FKBP5: variants seen among roughly 807,000 people sequenced by gnomAD.
FKBP5 encodes the protein FKBP prolyl isomerase 5.
In FKBP5, 23 loss-of-function variants were observed where a neutral mutation model predicts 50.5. That is an observed-to-expected ratio of 0.46 (90% CI 0.33 to 0.65). The LOEUF (loss-of-function observed/expected upper bound fraction) is 0.65, where lower values mean the gene tolerates loss of function less well. Among genes scored for constraint, FKBP5 ranks in the 30% least tolerant of loss-of-function variants. The pLI, the probability that FKBP5 is intolerant of heterozygous loss-of-function variation, is 0.02. For synonymous variants in FKBP5, 176 were observed against 190.6 expected, an observed-to-expected ratio of 0.92 and a Z score of 0.63; for missense variants, 411 against 553.1, an observed-to-expected ratio of 0.74 and a Z score of 2.58.
chr6:35,656,552 C>T (rs367579946), intron 1 of FKBP5, among the ~76,000 whole-genome samples: 3 of 152,164 alleles, frequency 2.0e-5, no homozygotes, highest in Non-Finnish European at 4.4e-5. Context: ...CTGAGCTTTA[C>T]CCACTTACAT....
rs922317096 is a variant in FKBP5, at chr6:35,607,590, CT to C, written c.509-10187del. 2.6e-5 allele frequency: 4 copies of C among 152,720 alleles called. No individual in the cohort carries two copies. The East Asian group carries it at 7.7e-4, about 29-fold the overall frequency. The allele number at this position is 152,720 out of a possible 1,614,324, so 9.5% of individuals were successfully genotyped here. The stretch of plus-strand genomic sequence containing the variant: ...ATGGTGGATTGGATAAAAATGTGGG[CT>C]TCCTTCTGCCACGGCCACCATTGGA... On this transcript the variant is annotated intron_variant, in intron 5 of 10. Transcript: ENST00000357266.
chr6:35,577,390 A>T (rs1279492029), intron 9 of FKBP5, among the ~76,000 whole-genome samples, 157 bp from the exon 10 acceptor site: 1 of 152,228 alleles, frequency 6.6e-6, no homozygotes, highest in East Asian at 1.9e-4. Context: ...TACTACCCAA[A>T]TTATTTTCTG....
chr6:35,580,385 G>T (rs1762387114), intron 8 of FKBP5, among the ~76,000 whole-genome samples, 164 bp from the exon 9 acceptor site: 1 of 152,090 alleles, frequency 6.6e-6, no homozygotes, highest in African/African-American at 2.4e-5. Flanking sequence ...TCCCTTGGAG[G>T]CCTCGATGGC....
At chr6:35,656,439 G>A (rs1424197356) in intron 1 of FKBP5, among the ~76,000 whole-genome samples, 3 of 152,152 alleles carry the variant, frequency 2.0e-5, no homozygotes, top group Admixed American at 1.3e-4. Context: ...TGGGGAAAAT[G>A]AGGTTTGCTA....
At chr6:35,627,141 G>A (rs951457659) in intron 3 of FKBP5, among the ~76,000 whole-genome samples, 2 of 152,126 alleles carry the variant, frequency 1.3e-5, no homozygotes, top group Admixed American at 6.6e-5. Flanking sequence ...ATCAACACTT[G>A]TTGTTTTCTC....
At chr6:35,595,429 G>A (rs1295834003) in intron 6 of FKBP5, among the ~76,000 whole-genome samples, 4 of 152,320 alleles carry the variant, frequency 2.6e-5, no homozygotes, top group Middle Eastern at 3.4e-3. Flanking sequence ...TAGAACTACT[G>A]TAATTTTGAA....
intron 8 of FKBP5, chr6:35,580,459 G>A (rs7757037): frequency 0.48 from 178,743 of 373,696 alleles, 43,104 homozygotes; most frequent in East Asian, 0.63. Flanking sequence ...ATTTCCATCC[G>A]TCCCTTCAGC....
intron 1 of FKBP5, among the ~76,000 whole-genome samples, chr6:35,682,938 A>G (rs916413281): frequency 1.3e-5 from 2 of 150,598 alleles, no homozygotes; most frequent in African/African-American, 4.9e-5. Context: ...AAGTATATAT[A>G]TATATATCCC....
intron 1 of FKBP5, among the ~76,000 whole-genome samples, chr6:35,657,138 C>T (rs1477180601): frequency 6.6e-6 from 1 of 151,986 alleles, no homozygotes; most frequent in African/African-American, 2.4e-5. Flanking sequence ...TGGCGTGAAC[C>T]CGGGAGGCGG....
At chr6:35,611,489 T>C (rs1040528041) in intron 5 of FKBP5, among the ~76,000 whole-genome samples, 6 of 152,168 alleles carry the variant, frequency 3.9e-5, no homozygotes, top group African/African-American at 1.4e-4. Flanking sequence ...AATCAGACGA[T>C]GTGAGAGACT....
intron 1 of FKBP5, among the ~76,000 whole-genome samples, chr6:35,655,370 C>T (rs1266885895): frequency 6.6e-6 from 1 of 152,078 alleles, no homozygotes; most frequent in Non-Finnish European, 1.5e-5. Context: ...TAGGAATGAG[C>T]CCCTATTATT....
chr6:35,682,499 T>C (rs1198576895), intron 1 of FKBP5, among the ~76,000 whole-genome samples: 1 of 152,164 alleles, frequency 6.6e-6, no homozygotes, highest in Non-Finnish European at 1.5e-5. Context: ...TTTGAAAAGA[T>C]CAATCTGAAA....
chr6:35,671,191 G>A (rs949458766), intron 1 of FKBP5, among the ~76,000 whole-genome samples: 1 of 151,828 alleles, frequency 6.6e-6, no homozygotes, highest in Non-Finnish European at 1.5e-5. Flanking sequence ...TTGAGCCAGG[G>A]AGGTAGAAGT....
intron 1 of FKBP5, among the ~76,000 whole-genome samples, chr6:35,725,660 A>G (rs1166780293): frequency 6.6e-6 from 1 of 152,016 alleles, no homozygotes. Flanking sequence ...GGGGAGCCCA[A>G]GTGGAAGATG....
At chr6:35,651,559 T>A (rs1764799055) in intron 1 of FKBP5, among the ~76,000 whole-genome samples, 1 of 152,158 alleles carries the variant, frequency 6.6e-6, no homozygotes, top group African/African-American at 2.4e-5. Flanking sequence ...ACACAATAAT[T>A]AAGATAAAAA....
intron 8 of FKBP5, chr6:35,586,616 AAAAG>A: frequency 2.0e-6 from 2 of 995,108 alleles, no homozygotes; most frequent in Non-Finnish European, 2.4e-6. Context: ...CAAAAAAAAA[AAAAG>A]GAAGAAAGAA....
chr6:35,604,771 G>C (rs1257810997), intron 5 of FKBP5, among the ~76,000 whole-genome samples: 1 of 151,484 alleles, frequency 6.6e-6, no homozygotes, highest in Non-Finnish European at 1.5e-5. Context: ...TTTTATTCTT[G>C]TCTTTGGTTT....
At chr6:35,683,887 G>C (rs1055363488) in intron 1 of FKBP5, among the ~76,000 whole-genome samples, 5 of 151,690 alleles carry the variant, frequency 3.3e-5, no homozygotes, top group African/African-American at 9.7e-5. Context: ...GCAAAACCTC[G>C]TCTCTACCAA....
In FKBP5 at chr6:35,646,309, T is replaced by A. The variant is rs1190353953; in HGVS notation, c.-19-3466A>T. Among the ~76,000 whole-genome samples the A allele has an allele frequency of 2.0e-5, 3 of 152,318 alleles. No individual in the cohort carries two copies. The East Asian group carries it at 5.8e-4, about 29-fold the overall frequency. On this transcript the variant is annotated intron_variant, in intron 1 of 10. Coordinates refer to ENST00000357266, the MANE Select transcript of FKBP5 (RefSeq NM_004117.4). ...AACACTTCAAGGGATGCAAGTCATCTTAGTAATCTCAGAGGATGGCTCTTG... is the reference window on the plus strand; with the variant it reads ...AACACTTCAAGGGATGCAAGTCATCATAGTAATCTCAGAGGATGGCTCTTG...
Sources: allele counts gnomAD v4.1 joint callset (sites outside exome capture counted in the v4.1 genomes callset), GRCh38; gene constraint gnomAD v4.1.1; transcripts MANE v1.5; gene names NCBI Gene and HGNC (gene_info 2026-07-23, HGNC 2026-07-21).